RANBP17: variants seen among roughly 807,000 people sequenced by gnomAD.
The protein encoded by RANBP17 is RAN binding protein 17, also known as ran-binding protein 17.
Under a neutral mutation model 141.2 loss-of-function variants are expected in RANBP17, and 158 were observed. The observed-to-expected ratio is 1.12, with a 90% CI of 0.98 to 1.28. The LOEUF (loss-of-function observed/expected upper bound fraction) is 1.28. Among genes scored for constraint, RANBP17 ranks in the 50% most tolerant of loss-of-function variants. The pLI, the probability that RANBP17 is intolerant of heterozygous loss-of-function variation, is 0.00. For missense variants in RANBP17, 1,438 were observed against 1,290.7 expected, an observed-to-expected ratio of 1.11 and a Z score of -1.75; for synonymous variants, 430 against 450.0, an observed-to-expected ratio of 0.96 and a Z score of 0.56.
intron 14 of RANBP17, among the ~76,000 whole-genome samples, chr5:171,043,979 G>A (rs532718144): frequency 1.6e-4 from 25 of 152,144 alleles, no homozygotes; most frequent in African/African-American, 6.0e-4. Context: ...AAATAGAAAG[G>A]ATCTATTTTA....
intron 9 of RANBP17, 73 bp downstream of exon 9, chr5:170,916,657 T>A: frequency 1.0e-6 from 1 of 965,238 alleles, no homozygotes. Flanking sequence ...AATAAACTCA[T>A]CATGAATTTA....
At chr5:171,071,506 A>G (rs1401103228) in intron 14 of RANBP17, among the ~76,000 whole-genome samples, 1 of 152,060 alleles carries the variant, frequency 6.6e-6, no homozygotes, top group African/African-American at 2.4e-5. Flanking sequence ...AAGGATAAAC[A>G]TATAATTCAG....
chr5:171,209,197 A>C (rs1173107070), intron 20 of RANBP17, among the ~76,000 whole-genome samples: 1 of 152,166 alleles, frequency 6.6e-6, no homozygotes, highest in Non-Finnish European at 1.5e-5. Context: ...TGGAAATAGG[A>C]AGAAATACAG....
At chr5:170,968,587 A>G (rs1297376638) in intron 14 of RANBP17, 1 of 610,590 alleles carries the variant, frequency 1.6e-6, no homozygotes, top group South Asian at 1.6e-5. Flanking sequence ...GCAGAGAGGT[A>G]ATGAATATGT....
chr5:171,185,749 G>A (rs1761193565), intron 18 of RANBP17, among the ~76,000 whole-genome samples: 1 of 152,218 alleles, frequency 6.6e-6, no homozygotes, highest in Admixed American at 6.5e-5. Context: ...AGTCGTCCAT[G>A]AGAGTTGGAA....
At chr5:170,978,306 CTG>C (rs1185701127) in intron 14 of RANBP17, among the ~76,000 whole-genome samples, 2 of 152,086 alleles carry the variant, frequency 1.3e-5, no homozygotes, top group African/African-American at 4.8e-5. Context: ...TGTACTAAAA[CTG>C]GATATAGTCT....
intron 14 of RANBP17, among the ~76,000 whole-genome samples, chr5:171,134,388 A>G (rs1238319504): frequency 6.6e-6 from 1 of 152,226 alleles, no homozygotes; most frequent in African/African-American, 2.4e-5. Flanking sequence ...TTATGGCTAG[A>G]TTGAAGAAAT....
chr5:170,894,979 G>T (rs540430928), intron 4 of RANBP17, among the ~76,000 whole-genome samples: 7 of 152,280 alleles, frequency 4.6e-5, no homozygotes, highest in African/African-American at 1.7e-4. Context: ...TTTCAAATTA[G>T]AATTGAGTTT....
chr5:170,976,026 TA>T (rs777739928), intron 14 of RANBP17, among the ~76,000 whole-genome samples: 2,727 of 147,666 alleles, frequency 0.018, 43 homozygotes, highest in Non-Finnish European at 0.024. Context: ...CATCCAGATT[TA>T]AAAAAAAAAG....
chr5:170,864,362 T>G (rs1767067496), intron 1 of RANBP17, among the ~76,000 whole-genome samples: 1 of 152,216 alleles, frequency 6.6e-6, no homozygotes, highest in African/African-American at 2.4e-5. Context: ...AAAATGTTAA[T>G]TGTGTGTCTC....
At chr5:170,943,964 C>T (rs1774548077) in intron 12 of RANBP17, among the ~76,000 whole-genome samples, 1 of 152,160 alleles carries the variant, frequency 6.6e-6, no homozygotes, top group South Asian at 2.1e-4. Context: ...ACTTACTCCT[C>T]CTGTACAACT....
intron 21 of RANBP17, among the ~76,000 whole-genome samples, chr5:171,214,465 ATG>A (rs1763094534): frequency 3.9e-5 from 6 of 152,330 alleles, no homozygotes; most frequent in Middle Eastern, 3.4e-3. Context: ...ACCAAATTAC[ATG>A]TCACTTAGCC....
chr5:171,190,122 C>A (rs2127938332), intron 18 of RANBP17, among the ~76,000 whole-genome samples: 1 of 152,156 alleles, frequency 6.6e-6, no homozygotes, highest in South Asian at 2.1e-4. Flanking sequence ...TAATTGAATC[C>A]TACAAAAATA....
chr5:171,288,406 C>T (rs1768294516), intron 25 of RANBP17, among the ~76,000 whole-genome samples: 1 of 152,178 alleles, frequency 6.6e-6, no homozygotes, highest in African/African-American at 2.4e-5. Flanking sequence ...TTTTTTGTCA[C>T]ACCATCAGTC....
At chr5:171,062,545 G>C (rs1202922828) in intron 14 of RANBP17, among the ~76,000 whole-genome samples, 1 of 152,296 alleles carries the variant, frequency 6.6e-6, no homozygotes, top group African/African-American at 2.4e-5. Context: ...AGTCTGATGG[G>C]CTTCCCTTTG....
chr5:170,936,291 T>C (rs1773874089), intron 12 of RANBP17, among the ~76,000 whole-genome samples: 1 of 152,162 alleles, frequency 6.6e-6, no homozygotes, highest in Non-Finnish European at 1.5e-5. Flanking sequence ...CCGACTTGTT[T>C]GGCAAGCCCT....
At position 171,015,592 on chromosome 5, in the gene RANBP17, TC is replaced by T. The variant is rs542005146; in HGVS notation, c.1710+47216del. Among the ~76,000 whole-genome samples, 191 of 152,286 alleles carry T rather than the reference TC, an allele frequency of 1.3e-3. No homozygotes were observed. The South Asian group carries it at 0.013, about 10-fold the overall frequency. ...ATGTCTTTGTCTAATAATTTAATAA[TC>T]TGTAAATTTTTCTTCTCTTTGCATG... On this transcript the variant is annotated intron_variant, in intron 14 of 27. Coordinates refer to ENST00000523189, the MANE Select transcript of RANBP17 (RefSeq NM_022897.5).
chr5:171,238,422 A>AT (rs1012183271), intron 22 of RANBP17, among the ~76,000 whole-genome samples: 38 of 152,064 alleles, frequency 2.5e-4, no homozygotes, highest in African/African-American at 8.7e-4. Context: ...TCCTTTACAG[A>AT]TTTTTTTTCC....
intron 14 of RANBP17, among the ~76,000 whole-genome samples, chr5:171,133,037 C>A (rs1406141875): frequency 6.6e-6 from 1 of 152,028 alleles, no homozygotes; most frequent in East Asian, 1.9e-4. Flanking sequence ...AGGGGCCCGC[C>A]ATCACGCTTG....
Sources: allele counts gnomAD v4.1 joint callset (sites outside exome capture counted in the v4.1 genomes callset), GRCh38; gene constraint gnomAD v4.1.1; transcripts MANE v1.5; gene names NCBI Gene and HGNC (gene_info 2026-07-23, HGNC 2026-07-21).